CPVL: variants seen among roughly 807,000 people sequenced by gnomAD.
CPVL encodes carboxypeptidase vitellogenic like.
Under a neutral mutation model 63.7 loss-of-function variants are expected in CPVL, and 51 were observed. The ratio of observed to expected loss-of-function variants is 0.80; its 90% CI spans 0.64 to 1.01. The LOEUF (loss-of-function observed/expected upper bound fraction) is 1.01, where lower values mean the gene tolerates loss of function less well. Ranked by LOEUF, CPVL falls within the 50% of genes least tolerant of loss-of-function variation. CPVL has a pLI of 0.00. For missense variants in CPVL, 530 were observed against 573.1 expected (o/e 0.92, Z 0.77); for synonymous variants, 195 against 206.0 (o/e 0.95, Z 0.46).
At chr7:29,004,811 G>A (rs1361111827) in intron 12 of CPVL, among the ~76,000 whole-genome samples, 2 of 152,150 alleles carry the variant, frequency 1.3e-5, no homozygotes, top group African/African-American at 4.8e-5. Context: ...CTTACTCTAT[G>A]AATAACTTTT....
intron 5 of CPVL, 34 bp downstream of exon 5, chr7:29,095,050 G>C (rs753534589): frequency 6.5e-7 from 1 of 1,536,548 alleles, no homozygotes; most frequent in South Asian, 1.1e-5. Context: ...GGAGACGCCA[G>C]CACTGACAGC....
rs190169130 is a variant in CPVL at position 29,135,871 on chromosome 7, G to T, written c.-11+10558C>A. ...GAGCTACCACACCCAGCTAGATTTTGATTTTTATTTTTAATTTAATTTTTT... is the reference window on the plus strand; with the variant it reads ...GAGCTACCACACCCAGCTAGATTTTTATTTTTATTTTTAATTTAATTTTTT... On this transcript the variant is annotated intron_variant, in intron 1 of 12. Transcript: ENST00000265394. Among the ~76,000 whole-genome samples, 185 of 152,068 alleles carry T rather than the reference G, an allele frequency of 1.2e-3. No individual in the cohort carries two copies. In the East Asian group the frequency reaches 0.02, roughly 17 times the overall value.
chr7:29,028,275 C>T (rs1387895969), intron 12 of CPVL, among the ~76,000 whole-genome samples: 1 of 152,150 alleles, frequency 6.6e-6, no homozygotes, highest in African/African-American at 2.4e-5. Flanking sequence ...CTATCTCTCA[C>T]CATATACACA....
chr7:29,158,981 A>G (rs184368136), intron 5 of CPVL, among the ~76,000 whole-genome samples: 31 of 152,342 alleles, frequency 2.0e-4, no homozygotes, highest in African/African-American at 7.0e-4. Context: ...GAAATATCCT[A>G]TGTAGTTATT....
chr7:29,017,381 C>T (rs1786519087), intron 12 of CPVL, among the ~76,000 whole-genome samples: 1 of 152,206 alleles, frequency 6.6e-6, no homozygotes, highest in Non-Finnish European at 1.5e-5. Flanking sequence ...CGCCTGTAAT[C>T]CCAGCACTTT....
intron 11 of CPVL, among the ~76,000 whole-genome samples, chr7:29,054,304 T>C (rs317736): frequency 0.073 from 11,182 of 152,312 alleles, 461 homozygotes; most frequent in South Asian, 0.12. Flanking sequence ...ATATATTCTT[T>C]AGAAGCTCCT....
At chr7:29,086,007 G>A (rs1484314637) in intron 7 of CPVL, among the ~76,000 whole-genome samples, 1 of 152,140 alleles carries the variant, frequency 6.6e-6, no homozygotes, top group African/African-American at 2.4e-5. Flanking sequence ...AAAATGTTAT[G>A]AAAGGGCTGG....
chr7:29,098,791 G>A (rs1034385348), intron 3 of CPVL, among the ~76,000 whole-genome samples: 8 of 152,156 alleles, frequency 5.3e-5, no homozygotes, highest in African/African-American at 1.4e-4. Context: ...GGCCAGGCAC[G>A]GTGGCTCGTG....
intron 11 of CPVL, among the ~76,000 whole-genome samples, chr7:29,062,926 A>G (rs1034390672): frequency 9.2e-5 from 14 of 152,296 alleles, no homozygotes; most frequent in African/African-American, 3.4e-4. Flanking sequence ...TGGATCACTC[A>G]GTGGTGGTCT....
At chr7:29,173,949 C>A (rs192338093) in intron 5 of CPVL, among the ~76,000 whole-genome samples, 2,732 of 115,700 alleles carry the variant, frequency 0.024, 32 homozygotes, top group Admixed American at 0.044. Flanking sequence ...GAGACTGACT[C>A]AAAAAAAAAA....
chr7:29,118,709 G>A (rs527965918), intron 2 of CPVL, among the ~76,000 whole-genome samples: 1 of 152,294 alleles, frequency 6.6e-6, no homozygotes, highest in South Asian at 2.1e-4. Flanking sequence ...CACTTTGAAC[G>A]AATAAAACTT....
At chr7:29,059,545 T>C (rs951625634) in intron 11 of CPVL, among the ~76,000 whole-genome samples, 1 of 152,176 alleles carries the variant, frequency 6.6e-6, no homozygotes, top group African/African-American at 2.4e-5. Flanking sequence ...TGGTTTAACA[T>C]AGGTACGTTA....
chr7:29,102,808 CAGAA>C (rs934764242), intron 3 of CPVL, among the ~76,000 whole-genome samples: 8 of 152,032 alleles, frequency 5.3e-5, no homozygotes, highest in African/African-American at 1.7e-4. Context: ...AGGAACGGCC[CAGAA>C]AGAGAGAAGT....
Position 28,995,721 on chromosome 7 carries a change from A to G in CPVL, c.*51T>C. ...TCCTATGACATTTTCTGTTTTTACG[A>G]TTTTCTTTTCAGCAATGAAAACCTC... is the stretch of plus-strand genomic sequence containing the variant. On this transcript the variant is annotated 3_prime_UTR_variant, in exon 13 of 13. Coordinates refer to ENST00000265394, the MANE Select transcript of CPVL (RefSeq NM_031311.5). The G allele has an allele frequency of 9.1e-7, 1 of 1,101,468 alleles. No homozygotes were observed. The highest frequency in any genetic ancestry group is 1.3e-6 in the Non-Finnish European group (1 of 749,158). 68.2% of individuals were successfully genotyped at this position (1,101,468 alleles called of 1,614,324 possible).
chr7:29,105,190 A>G (rs1036632416), intron 3 of CPVL, among the ~76,000 whole-genome samples: 1 of 152,196 alleles, frequency 6.6e-6, no homozygotes, highest in Non-Finnish European at 1.5e-5. Context: ...CTAAGAAATG[A>G]GTCTCCATTC....
chr7:29,099,292 G>A (rs987533482), intron 3 of CPVL, among the ~76,000 whole-genome samples: 1 of 152,136 alleles, frequency 6.6e-6, no homozygotes, highest in African/African-American at 2.4e-5. Flanking sequence ...AAAGTGGGCT[G>A]TGTGGTGGTT....
chr7:29,012,533 T>C (rs1785954321), intron 12 of CPVL: 1 of 152,234 alleles, frequency 6.6e-6, no homozygotes, highest in African/African-American at 2.4e-5. Flanking sequence ...GACTGAAGTC[T>C]ACAATTTAGA....
At position 29,195,106 on chromosome 7, in the gene CPVL, T is replaced by C. The variant is rs373928136; in HGVS notation, c.-477A>G. 8.0e-6 allele frequency: 9 copies of C among 1,127,356 alleles called. No homozygotes were observed. In the African/African-American group the frequency reaches 1.1e-4, roughly 14 times the overall value. The allele number at this position is 1,127,356 out of a possible 1,614,324, so 69.8% of individuals were successfully genotyped here. ...GGCCATCCCGCCCGCTCTCTCGGAA[T>C]GGGGGCAGGCGTCCGGGGTGATACT... is the stretch of plus-strand genomic sequence containing the variant. On this transcript the variant is annotated 5_prime_UTR_variant, in exon 1 of 17. Transcript: ENST00000409850.
chr7:28,995,835 C>T lies in CPVL; in HGVS notation c.1368G>A (p.Leu456=), dbSNP rs375370289. The change falls in exon 13 of 13, where the codon CTG becomes CTA. Residue 456 remains leucine (L), a synonymous_variant. Coordinates refer to ENST00000265394, the MANE Select transcript of CPVL (RefSeq NM_031311.5). ...GGHILPYDQP[L]RAFDMINRFI... is the part of the protein sequence containing the mutation. ...ATCGATTAATCATGTCAAAAGCTCT[C>T]AGAGGCTGGTCATAGGGTAAAATAT... is the stretch of plus-strand genomic sequence containing the variant. 1.7e-5 allele frequency: 28 copies of T among 1,607,456 alleles called. No homozygotes were observed. Among genetic ancestry groups the T allele is most frequent in the Non-Finnish European group, 2.2e-5 (26 of 1,178,532 alleles).
Sources: gnomAD v4.1 joint callset for allele counts (sites outside exome capture counted in the v4.1 genomes callset) on GRCh38, gnomAD v4.1.1 for gene constraint, MANE v1.5 for transcripts, NCBI Gene and HGNC (gene_info 2026-07-23, HGNC 2026-07-21) for gene names.